Variants in LMO7 observed in about 807,000 individuals in gnomAD.
LMO7 encodes the protein LIM domain 7, also known as LIM domain only protein 7.
LMO7 carries 120 observed loss-of-function variants against 206.5 expected under a neutral mutation model. The observed-to-expected ratio is 0.58, with a 90% CI of 0.50 to 0.68. The LOEUF is 0.68. Ranked by LOEUF, LMO7 falls within the 30% of genes least tolerant of loss-of-function variation. The pLI is 0.00. For synonymous variants in LMO7, 706 were observed against 681.5 expected (o/e 1.04, Z -0.56); for missense variants, 1,959 against 1,957.9 (o/e 1.00, Z -0.01).
At chr13:75,655,394 C>A (rs1594090156) in intron 1 of LMO7, among the ~76,000 whole-genome samples, 2 of 152,078 alleles carry the variant, frequency 1.3e-5, no homozygotes, top group Middle Eastern at 6.8e-3. Context: ...AAATATTTTT[C>A]TTCAACACAA....
At chr13:75,770,200 AG>A (rs1256242554) in intron 4 of LMO7, among the ~76,000 whole-genome samples, 2 of 151,752 alleles carry the variant, frequency 1.3e-5, no homozygotes, top group African/African-American at 4.8e-5. Flanking sequence ...TCCCCACCGA[AG>A]GGGCCTGGTC....
chr13:75,780,259 A>G (rs1218359114), intron 4 of LMO7, among the ~76,000 whole-genome samples: 2 of 152,130 alleles, frequency 1.3e-5, no homozygotes, highest in Non-Finnish European at 2.9e-5. Context: ...CAATCCTAAC[A>G]AGCCTGGGGG....
At chr13:75,750,699 T>C (rs1226021509) in intron 3 of LMO7, among the ~76,000 whole-genome samples, 1 of 152,050 alleles carries the variant, frequency 6.6e-6, no homozygotes, top group Non-Finnish European at 1.5e-5. Context: ...TGGCCGGGGA[T>C]TTTCTTAAAA....
intron 3 of LMO7, among the ~76,000 whole-genome samples, chr13:75,735,439 T>C (rs1446697367): frequency 6.6e-6 from 1 of 152,002 alleles, no homozygotes; most frequent in African/African-American, 2.4e-5. Context: ...AGGAATAAAA[T>C]GAAAAAAATT....
chr13:75,749,630 G>A (rs1402101141), intron 3 of LMO7, among the ~76,000 whole-genome samples: 4 of 152,122 alleles, frequency 2.6e-5, no homozygotes, highest in African/African-American at 9.7e-5. Flanking sequence ...CTGCCTCGTT[G>A]GTTTGGCTGT....
chr13:75,740,842 A>T (rs905209407), intron 3 of LMO7, among the ~76,000 whole-genome samples: 1 of 152,204 alleles, frequency 6.6e-6, no homozygotes, highest in Non-Finnish European at 1.5e-5. Context: ...TCCTGTAGCA[A>T]CGATCTGGCA....
At chr13:75,852,485 A>G (rs564310213) in intron 27 of LMO7, among the ~76,000 whole-genome samples, 24 of 152,300 alleles carry the variant, frequency 1.6e-4, no homozygotes, top group African/African-American at 5.8e-4. Flanking sequence ...CCCTAAACCT[A>G]AAATAAAAGT....
At position 75,834,234 on chromosome 13, in the gene LMO7, G is replaced by C. The variant is rs369838218; in HGVS notation, c.3073G>C (p.Ala1025Pro). ...FVASVEAGSPAEFSQLQVDDE... is the reference protein window; with the variant it reads ...FVASVEAGSPPEFSQLQVDDE... ...TTATTTTGCATTTTTAGGTAGCCCA[G>C]CAGAATTTTCTCAGCTACAAGTAGA... The change falls in exon 17 of 31, where the codon GCA becomes CCA. Residue 1025 changes from alanine (A) to proline (P), a missense_variant. Physicochemically the swap from Ala to Pro is conservative, Grantham distance 27 (BLOSUM62 -1). Transcript: ENST00000377534. 17 of 1,588,328 alleles carry C rather than the reference G, an allele frequency of 1.1e-5. No homozygotes were observed. The highest frequency in any genetic ancestry group is 1.5e-5 in the Non-Finnish European group (17 of 1,167,386).
intron 6 of LMO7, 74 bp downstream of exon 6, chr13:75,796,823 T>TTTC: frequency 1.1e-6 from 1 of 910,650 alleles, no homozygotes; most frequent in African/African-American, 1.7e-5. Flanking sequence ...CTCTCTTCTT[T>TTTC]TTCTTCTCCT....
At chr13:75,718,339 C>T (rs1271069884) in intron 2 of LMO7, among the ~76,000 whole-genome samples, 2 of 152,110 alleles carry the variant, frequency 1.3e-5, no homozygotes, top group Non-Finnish European at 2.9e-5. Flanking sequence ...GGGTTGAAAT[C>T]CTGGAGAGAG....
intron 1 of LMO7, among the ~76,000 whole-genome samples, chr13:75,670,787 A>C (rs1474328556): frequency 6.6e-6 from 1 of 152,238 alleles, no homozygotes; most frequent in East Asian, 1.9e-4. Context: ...CTAAATTTAT[A>C]AAAAATGATT....
chr13:75,776,094 G>GAT (rs58885943), intron 4 of LMO7, among the ~76,000 whole-genome samples: 1,493 of 103,428 alleles, frequency 0.014, 38 homozygotes, highest in African/African-American at 0.042. Context: ...AAATGTTGTG[G>GAT]ATATATATAT....
rs145609222 is a variant in LMO7 at position 75,784,177 on chromosome 13, G to A, written c.318-11224G>A. ...ACAATGCATAGTACAGTTTCCCCCCGAAGCAGAGAATTATGAGGTTCAAAA... is the reference window on the plus strand; with the variant it reads ...ACAATGCATAGTACAGTTTCCCCCCAAAGCAGAGAATTATGAGGTTCAAAA... On this transcript the variant is annotated intron_variant, in intron 4 of 30. Transcript: ENST00000377534. Among the ~76,000 whole-genome samples, 16 of 152,236 alleles carry A rather than the reference G, an allele frequency of 1.1e-4. No individual in the cohort carries two copies. The East Asian group carries it at 1.9e-3, about 18-fold the overall frequency.
At chr13:75,733,546 A>C (rs959104422) in intron 3 of LMO7, among the ~76,000 whole-genome samples, 2 of 152,168 alleles carry the variant, frequency 1.3e-5, no homozygotes, top group Admixed American at 1.3e-4. Context: ...TTCTTTGACT[A>C]GGAAAGGGAA....
intron 3 of LMO7, among the ~76,000 whole-genome samples, chr13:75,757,188 A>G (rs966781439): frequency 1.3e-5 from 2 of 152,152 alleles, no homozygotes; most frequent in Non-Finnish European, 2.9e-5. Context: ...CCTGTTAACA[A>G]TCAGCCCTGA....
At chr13:75,771,037 T>C (rs2049580878) in intron 4 of LMO7, among the ~76,000 whole-genome samples, 1 of 152,144 alleles carries the variant, frequency 6.6e-6, no homozygotes. Flanking sequence ...CATGAGTTGC[T>C]TTTTAACCAG....
Position 75,836,426 on chromosome 13 carries a change from T to A in LMO7, c.3363T>A (p.Ile1121=), listed in dbSNP as rs769672881. 1 of 1,537,620 alleles carries A rather than the reference T, an allele frequency of 6.5e-7. No individual in the cohort carries two copies. The highest frequency in any genetic ancestry group is 8.9e-7 in the Non-Finnish European group (1 of 1,126,334). The change falls in exon 19 of 31, where the codon ATT becomes ATA. Residue 1121 remains isoleucine (I), a synonymous_variant. Transcript: ENST00000377534. ...SNIESKEING[I]HDESNAFESK... ...TTGAATCCAAAGAAATCAATGGAAT[T>A]CATGATGAAAGCAATGCTTTTGAAT...
chr13:75,628,797 C>T (rs2034534778), intron 2 of LMO7, among the ~76,000 whole-genome samples: 1 of 152,178 alleles, frequency 6.6e-6, no homozygotes. Flanking sequence ...GTCCACACAC[C>T]ATTCAGCCCC....
intron 15 of LMO7, among the ~76,000 whole-genome samples, chr13:75,825,225 A>T (rs748918380): frequency 3.9e-4 from 59 of 152,352 alleles, no homozygotes; most frequent in East Asian, 3.9e-4. Flanking sequence ...GAGAAGAACA[A>T]TAGCCTGTGT....
Sources: gnomAD v4.1 joint callset for allele counts (sites outside exome capture counted in the v4.1 genomes callset) on GRCh38, gnomAD v4.1.1 for gene constraint, MANE v1.5 for transcripts, NCBI Gene and HGNC (gene_info 2026-07-23, HGNC 2026-07-21) for gene names.